AK5: variants seen among roughly 807,000 people sequenced by gnomAD.
AK5 encodes the protein adenylate kinase 5, also known as adenylate kinase isoenzyme 5.
In AK5, 27 loss-of-function variants were observed where a neutral mutation model predicts 69.5. The ratio of observed to expected loss-of-function variants is 0.39; its 90% CI spans 0.29 to 0.54. The LOEUF is 0.54. Among genes scored for constraint, AK5 ranks in the 20% least tolerant of loss-of-function variants. AK5 has a pLI of 0.71. For synonymous variants in AK5, 260 were observed against 244.4 expected, an observed-to-expected ratio of 1.06 and a Z score of -0.60; for missense variants, 531 against 700.4, an observed-to-expected ratio of 0.76 and a Z score of 2.73.
chr1:77,282,059 G>A lies in AK5; in HGVS notation c.-255G>A. 1 of 363,998 alleles carries A rather than the reference G, an allele frequency of 2.7e-6. No individual in the cohort carries two copies. Among genetic ancestry groups the A allele is most frequent in the Non-Finnish European group, 4.9e-6 (1 of 203,146 alleles). 22.5% of individuals were successfully genotyped at this position (363,998 alleles called of 1,614,324 possible). A position where few individuals can be genotyped will look rare whatever the true frequency, so the allele number is the denominator to read the frequency against. ...TGGCAGCCCGGGAAGCCGCGGCACA[G>A]CTGCTCGGCGCCTGCAGCTCCGGCT... On this transcript the variant is annotated 5_prime_UTR_variant, in exon 1 of 14. Transcript: ENST00000354567.
intron 10 of AK5, among the ~76,000 whole-genome samples, chr1:77,516,266 A>G (rs981341721): frequency 7.9e-5 from 12 of 152,184 alleles, no homozygotes. Context: ...ATAAAAAGTC[A>G]AATTCATGGA....
intron 10 of AK5, among the ~76,000 whole-genome samples, chr1:77,508,715 A>G (rs986815181): frequency 6.6e-6 from 1 of 152,032 alleles, no homozygotes; most frequent in African/African-American, 2.4e-5. Context: ...AAAAATACGA[A>G]AAACAGCCAG....
At chr1:77,492,835 C>T (rs991583461) in intron 10 of AK5, among the ~76,000 whole-genome samples, 19 of 152,128 alleles carry the variant, frequency 1.2e-4, no homozygotes, top group African/African-American at 4.3e-4. Flanking sequence ...GGAGGGGGTA[C>T]AGCCTAGGGG....
intron 13 of AK5, among the ~76,000 whole-genome samples, chr1:77,539,582 G>T (rs572989808): frequency 3.7e-4 from 57 of 152,274 alleles, no homozygotes; most frequent in South Asian, 8.3e-4. Context: ...AGATTTGTCT[G>T]CAGGTACCCG....
At chr1:77,481,066 G>A (rs959491154) in intron 8 of AK5, among the ~76,000 whole-genome samples, 3 of 152,258 alleles carry the variant, frequency 2.0e-5, no homozygotes, top group Non-Finnish European at 4.4e-5. Flanking sequence ...GAGCCAGACT[G>A]TAGTGGGCCC....
chr1:77,462,775 A>G (rs6687876), intron 8 of AK5, among the ~76,000 whole-genome samples: 91,431 of 152,012 alleles, frequency 0.6, 28,081 homozygotes, highest in Non-Finnish European at 0.66. Flanking sequence ...ACTGTTCCCT[A>G]TACTTTAAAA....
chr1:77,290,584 AT>A (rs1176385921), intron 2 of AK5, among the ~76,000 whole-genome samples: 1 of 152,214 alleles, frequency 6.6e-6, no homozygotes, highest in Admixed American at 6.5e-5. Flanking sequence ...CAATTGAATA[AT>A]TATCTGTGAA....
intron 5 of AK5, among the ~76,000 whole-genome samples, chr1:77,324,333 G>C (rs1280600400): frequency 2.7e-5 from 4 of 150,648 alleles, no homozygotes; most frequent in African/African-American, 9.9e-5. Flanking sequence ...GTGTGTGTGT[G>C]TGTGTGTGTG....
At chr1:77,300,244 T>G (rs187176083) in intron 5 of AK5, among the ~76,000 whole-genome samples, 1 of 152,290 alleles carries the variant, frequency 6.6e-6, no homozygotes, top group East Asian at 1.9e-4. Context: ...CAGTACCGAT[T>G]TGGGGTCTGT....
intron 10 of AK5, among the ~76,000 whole-genome samples, chr1:77,497,185 C>T (rs184802774): frequency 6.6e-6 from 1 of 152,060 alleles, no homozygotes; most frequent in African/African-American, 2.4e-5. Flanking sequence ...CAACTCCGGA[C>T]GTGCCACCCT....
At chr1:77,531,070 G>A (rs1427203536) in intron 12 of AK5, among the ~76,000 whole-genome samples, 1 of 152,124 alleles carries the variant, frequency 6.6e-6, no homozygotes, top group Non-Finnish European at 1.5e-5. Context: ...ATGAAGCCGT[G>A]GACCCTCGCG....
At chr1:77,303,594 A>T (rs1296166121) in intron 5 of AK5, among the ~76,000 whole-genome samples, 1 of 152,204 alleles carries the variant, frequency 6.6e-6, no homozygotes, top group Non-Finnish European at 1.5e-5. Context: ...CCACTGCGAA[A>T]CTCCACTGTA....
At chr1:77,545,729 G>A (rs1659509569) in intron 13 of AK5, among the ~76,000 whole-genome samples, 1 of 152,118 alleles carries the variant, frequency 6.6e-6, no homozygotes, top group Non-Finnish European at 1.5e-5. Flanking sequence ...GCCTCTTTTA[G>A]CAGTGCCCCA....
intron 8 of AK5, among the ~76,000 whole-genome samples, chr1:77,459,912 G>A (rs948399375): frequency 6.6e-6 from 1 of 152,090 alleles, no homozygotes; most frequent in African/African-American, 2.4e-5. Context: ...ATATTTTAAA[G>A]AAATGCAATT....
intron 5 of AK5, among the ~76,000 whole-genome samples, chr1:77,316,653 G>A (rs1361057882): frequency 6.6e-6 from 1 of 152,088 alleles, no homozygotes; most frequent in African/African-American, 2.4e-5. Flanking sequence ...TGTTTTCTAA[G>A]CATTAGCACT....
Position 77,349,830 on chromosome 1 carries a change from G to A in AK5, c.891+9262G>A, listed in dbSNP as rs993647022. Among the ~76,000 whole-genome samples, 6 of 152,022 alleles carry A rather than the reference G, an allele frequency of 3.9e-5. No individual in the cohort carries two copies. In the South Asian group the frequency reaches 6.2e-4, roughly 16 times the overall value. On this transcript the variant is annotated intron_variant, in intron 6 of 13. Transcript: ENST00000354567. ...TCCTTCTTGCTCAGTCCTACAAATC[G>A]AACGTAAAACTGAGGCTTCAGTTCT...
At chr1:77,548,468 G>C (rs1052245641) in intron 13 of AK5, among the ~76,000 whole-genome samples, 2 of 152,188 alleles carry the variant, frequency 1.3e-5, no homozygotes, top group Non-Finnish European at 2.9e-5. Context: ...AGGGATCCCT[G>C]TGGTGTGAGG....
At chr1:77,354,516 G>A (rs549647620) in intron 6 of AK5, among the ~76,000 whole-genome samples, 19 of 152,330 alleles carry the variant, frequency 1.2e-4, no homozygotes, top group African/African-American at 4.3e-4. Flanking sequence ...TGCAGCCAGC[G>A]CAGTGCCAGA....
At chr1:77,405,629 C>G (rs887236438) in intron 6 of AK5, among the ~76,000 whole-genome samples, 4 of 152,200 alleles carry the variant, frequency 2.6e-5, no homozygotes, top group Non-Finnish European at 5.9e-5. Context: ...TGTGCTGCTC[C>G]CTGAGCCCTG....
Sources: gnomAD v4.1 joint callset for allele counts (sites outside exome capture counted in the v4.1 genomes callset) on GRCh38, gnomAD v4.1.1 for gene constraint, MANE v1.5 for transcripts, NCBI Gene and HGNC (gene_info 2026-07-23, HGNC 2026-07-21) for gene names.